NXPH1: variants seen among roughly 807,000 people sequenced by gnomAD.
The protein encoded by NXPH1 is neurexophilin-1.
In NXPH1, 5 loss-of-function variants were observed where a neutral mutation model predicts 23.7. That is an observed-to-expected ratio of 0.21 (90% confidence interval 0.11 to 0.44). The LOEUF is 0.44. NXPH1 is among the 20% of genes least tolerant of loss of function. NXPH1 has a pLI of 0.99. For synonymous variants in NXPH1, 144 were observed against 122.2 expected, an observed-to-expected ratio of 1.18 and a Z score of -1.18; for missense variants, 324 against 321.6, an observed-to-expected ratio of 1.01 and a Z score of -0.06.
chr7:8,538,634 C>T (rs374613532), intron 2 of NXPH1, among the ~76,000 whole-genome samples: 1 of 152,002 alleles, frequency 6.6e-6, no homozygotes, highest in African/African-American at 2.4e-5. Flanking sequence ...ATCAACTTTT[C>T]CCCCACGTGC....
chr7:8,733,513 TC>T (rs1780194051), intron 2 of NXPH1, among the ~76,000 whole-genome samples: 1 of 152,174 alleles, frequency 6.6e-6, no homozygotes, highest in South Asian at 2.1e-4. Context: ...TAAAAGCGTT[TC>T]TATTTCTCCA....
At chr7:8,492,464 T>C (rs1037860623) in intron 2 of NXPH1, among the ~76,000 whole-genome samples, 1 of 152,068 alleles carries the variant, frequency 6.6e-6, no homozygotes, top group Admixed American at 6.6e-5. Flanking sequence ...CAGGGGATGC[T>C]GTTTTCTGAG....
In NXPH1 at chr7:8,751,727, C is replaced by G. The variant is rs1307745272; in HGVS notation, c.774C>G (p.Asp258Glu). 1.9e-6 allele frequency: 3 copies of G among 1,612,576 alleles called. No individual in the cohort carries two copies. Among genetic ancestry groups the G allele is most frequent in the African/African-American group, 1.3e-5 (1 of 74,896 alleles). ...AACTGGTACAGAAAGTGTGCCCTGA[C>G]TACAACTACCACAGTGACACACCTT... ...DYKLVQKVCP[D>E]YNYHSDTPYF... is the part of the protein sequence containing the mutation. The change falls in exon 3 of 3, where the codon GAC becomes GAG. Residue 258 changes from aspartate to glutamate, a missense_variant. Physicochemically the swap from Asp to Glu is conservative, Grantham distance 45. Coordinates refer to ENST00000405863, the MANE Select transcript of NXPH1 (RefSeq NM_152745.3). This position sits in a 1 kb window ranked among gnomAD's most constrained non-coding sequence, Gnocchi z 4.5.
chr7:8,650,648 A>G (rs1464521021), intron 2 of NXPH1, among the ~76,000 whole-genome samples: 1 of 152,232 alleles, frequency 6.6e-6, no homozygotes, highest in Non-Finnish European at 1.5e-5. Context: ...AATGACAATC[A>G]TGTGGCCTCT....
Position 8,536,181 on chromosome 7 carries a change from T to C in NXPH1, c.54+100414T>C, listed in dbSNP as rs1318624260. Among the ~76,000 whole-genome samples the C allele has an allele frequency of 2.6e-5, 4 of 152,056 alleles. No individual in the cohort carries two copies. The East Asian group carries it at 7.8e-4, about 29-fold the overall frequency. Reference sequence around the variant, plus strand: ...CTTTGCATTTTCTTTCTTCTATCCTTGTGGAGCTTGCAGATAAGAAAATAT... The same window carrying C: ...CTTTGCATTTTCTTTCTTCTATCCTCGTGGAGCTTGCAGATAAGAAAATAT... On this transcript the variant is annotated intron_variant, in intron 2 of 2. Transcript: ENST00000405863.
At chr7:8,475,271 T>C (rs1816950727) in intron 2 of NXPH1, among the ~76,000 whole-genome samples, 1 of 152,102 alleles carries the variant, frequency 6.6e-6, no homozygotes, top group African/African-American at 2.4e-5. Flanking sequence ...TGCTGCTTGG[T>C]GTCCCCAGAG....
At chr7:8,572,740 G>T (rs1485777250) in intron 2 of NXPH1, among the ~76,000 whole-genome samples, 2 of 151,656 alleles carry the variant, frequency 1.3e-5, no homozygotes, top group Non-Finnish European at 2.9e-5. Flanking sequence ...TTTAAGACTT[G>T]GGTATATATT....
intron 2 of NXPH1, among the ~76,000 whole-genome samples, chr7:8,597,148 C>A (rs1243848303): frequency 6.6e-6 from 1 of 151,968 alleles, no homozygotes; most frequent in Non-Finnish European, 1.5e-5. Context: ...GCTGCAGATA[C>A]TAGTTATGAT....
intron 2 of NXPH1, among the ~76,000 whole-genome samples, chr7:8,656,307 A>G (rs1220969826): frequency 6.6e-6 from 1 of 152,240 alleles, no homozygotes; most frequent in Non-Finnish European, 1.5e-5. Flanking sequence ...TGTAGAATAA[A>G]TGAATAATTA....
intron 2 of NXPH1, among the ~76,000 whole-genome samples, chr7:8,489,532 T>G (rs946149263): frequency 6.6e-6 from 1 of 152,106 alleles, no homozygotes; most frequent in Non-Finnish European, 1.5e-5. Flanking sequence ...GAGTGGGTGG[T>G]GCTCTTACTA....
At position 8,659,106 on chromosome 7, in the gene NXPH1, G is replaced by T. The variant is rs1820629856; in HGVS notation, c.55-91902G>T. ...GGCCAAGTGACAATTGGCTCTGTGT[G>T]GTTATAGTTTTCAGTCCCACTTAGA... On this transcript the variant is annotated intron_variant, in intron 2 of 2. Coordinates refer to ENST00000405863, the MANE Select transcript of NXPH1 (RefSeq NM_152745.3). Among the ~76,000 whole-genome samples, 2 of 42,724 alleles carry T rather than the reference G, an allele frequency of 4.7e-5. 1 individual carries two copies. The highest frequency in any genetic ancestry group is 1.3e-4 in the Non-Finnish European group (2 of 15,378). The allele number at this position is 42,724 out of a possible 152,430, so 28.0% of individuals were successfully genotyped here. A position where few individuals can be genotyped will look rare whatever the true frequency, so the allele number is the denominator to read the frequency against.
At chr7:8,617,219 T>C (rs1819763386) in intron 2 of NXPH1, among the ~76,000 whole-genome samples, 1 of 152,050 alleles carries the variant, frequency 6.6e-6, no homozygotes, top group South Asian at 2.1e-4. Context: ...GAAACTTTGT[T>C]TTAGAGGTAA....
chr7:8,461,722 C>T (rs544107687), intron 2 of NXPH1, among the ~76,000 whole-genome samples: 4 of 148,672 alleles, frequency 2.7e-5, no homozygotes, highest in African/African-American at 1.0e-4. Flanking sequence ...CCCAGCTACT[C>T]GGGAGGCTGA....
chr7:8,744,142 C>T (rs1048770432), intron 2 of NXPH1, among the ~76,000 whole-genome samples: 1 of 152,012 alleles, frequency 6.6e-6, no homozygotes. Context: ...TTGTCTATGC[C>T]CCTATTTGTA....
chr7:8,529,096 T>C (rs1178113034), intron 2 of NXPH1, among the ~76,000 whole-genome samples: 2 of 152,220 alleles, frequency 1.3e-5, no homozygotes, highest in Non-Finnish European at 2.9e-5. Flanking sequence ...ATCATCAAGT[T>C]AACAGTGATG....
At chr7:8,587,602 A>G (rs1206466591) in intron 2 of NXPH1, among the ~76,000 whole-genome samples, 1 of 152,074 alleles carries the variant, frequency 6.6e-6, no homozygotes. Context: ...CGTCATCTAC[A>G]TTGGGTATTT....
intron 2 of NXPH1, among the ~76,000 whole-genome samples, chr7:8,670,278 C>G (rs1820848723): frequency 6.6e-6 from 1 of 152,176 alleles, no homozygotes; most frequent in South Asian, 2.1e-4. Flanking sequence ...AAACTCTTCT[C>G]TGGAAAATTT....
chr7:8,619,540 C>G (rs138914629), intron 2 of NXPH1, among the ~76,000 whole-genome samples: 1 of 152,130 alleles, frequency 6.6e-6, no homozygotes, highest in East Asian at 1.9e-4. Flanking sequence ...CCTGGCTAAC[C>G]TCATTTTACC....
At chr7:8,673,062 A>C (rs1820895254) in intron 2 of NXPH1, among the ~76,000 whole-genome samples, 1 of 152,228 alleles carries the variant, frequency 6.6e-6, no homozygotes, top group African/African-American at 2.4e-5. Context: ...TATTGAAAAC[A>C]TCTTAGCAGG....
Sources: gnomAD v4.1 joint callset for allele counts (sites outside exome capture counted in the v4.1 genomes callset) on GRCh38, gnomAD v4.1.1 for gene constraint, Gnocchi (gnomAD v3.1) non-coding constraint, MANE v1.5 for transcripts, NCBI Gene and HGNC (gene_info 2026-07-23, HGNC 2026-07-21) for gene names.